GPC3: variants seen among roughly 807,000 people sequenced by gnomAD.
GPC3 encodes glypican-3.
In GPC3, 3 loss-of-function variants were observed where a neutral mutation model predicts 34.4. That is an observed-to-expected ratio of 0.09 (90% confidence interval 0.04 to 0.23). GPC3 has a LOEUF of 0.23. Ranked by LOEUF, GPC3 falls within the 10% of genes least tolerant of loss-of-function variation. The pLI, the probability that GPC3 is intolerant of heterozygous loss-of-function variation, is 1.00. For missense variants in GPC3, 351 were observed against 445.6 expected, an observed-to-expected ratio of 0.79 and a Z score of 1.91; for synonymous variants, 177 against 174.0, an observed-to-expected ratio of 1.02 and a Z score of -0.13.
intron 3 of GPC3, among the ~76,000 whole-genome samples, chrX:133,744,583 C>T (rs746622402): frequency 8.9e-6 from 1 of 112,342 alleles, no homozygotes; most frequent in South Asian, 3.8e-4. Flanking sequence ...ATTAGTTCAA[C>T]CATCGTGGAA....
At chrX:133,687,193 C>T (rs993223992) in intron 5 of GPC3, among the ~76,000 whole-genome samples, 4 of 100,415 alleles carry the variant, frequency 4.0e-5, no homozygotes, top group Non-Finnish European at 8.0e-5. Flanking sequence ...CCGCCTGCCT[C>T]GGCCTCCCAA....
At chrX:133,779,675 C>T (rs1167982412) in intron 2 of GPC3, among the ~76,000 whole-genome samples, 5 of 111,167 alleles carry the variant, frequency 4.5e-5, no homozygotes, top group Non-Finnish European at 9.4e-5. Context: ...TATATAACAC[C>T]TTGCTTAGCC....
chrX:133,747,147 C>T (rs2071620001), intron 3 of GPC3, among the ~76,000 whole-genome samples: 1 of 111,829 alleles, frequency 8.9e-6, no homozygotes, highest in South Asian at 3.7e-4. Flanking sequence ...CAAGGACACT[C>T]CGTACTGGAG....
At chrX:133,609,838 C>T (rs188797932) in intron 6 of GPC3, among the ~76,000 whole-genome samples, 62 of 112,485 alleles carry the variant, frequency 5.5e-4, no homozygotes, top group African/African-American at 1.9e-3. Flanking sequence ...ACATTCACAT[C>T]GACCTTTCAT....
chrX:133,835,580 C>T (rs7060493), intron 2 of GPC3, among the ~76,000 whole-genome samples: 8,747 of 111,237 alleles, frequency 0.079, 577 homozygotes, highest in African/African-American at 0.21. Flanking sequence ...TACTTAAAAC[C>T]CTTCACTGGC....
chrX:133,919,714 C>G (rs2076239251), intron 2 of GPC3, among the ~76,000 whole-genome samples: 1 of 110,266 alleles, frequency 9.1e-6, no homozygotes, highest in Non-Finnish European at 1.9e-5. Flanking sequence ...GTGGTCCCAC[C>G]TACTCAGGAG....
At chrX:133,704,277 GAAAA>G in intron 3 of GPC3, 4 of 827,239 alleles carry the variant, frequency 4.8e-6, no homozygotes, top group Non-Finnish European at 6.4e-6. Flanking sequence ...CAGTTTCCTT[GAAAA>G]AAAAAAAAAG....
At chrX:133,718,409 C>G (rs924195585) in intron 3 of GPC3, among the ~76,000 whole-genome samples, 2 of 109,847 alleles carry the variant, frequency 1.8e-5, no homozygotes, top group African/African-American at 6.6e-5. Flanking sequence ...CAGGGCAACC[C>G]CTAAGAAAAT....
Position 133,841,439 on chromosome X carries a change from A to T in GPC3, c.338-87263T>A, listed in dbSNP as rs760704944. 9.2e-5 allele frequency among the ~76,000 whole-genome samples: 10 copies of T among 108,215 alleles called. No homozygotes were observed. In the South Asian group the frequency reaches 3.3e-3, roughly 36 times the overall value. 94.0% of individuals were successfully genotyped at this position (108,215 alleles called of 115,157 possible). On this transcript the variant is annotated intron_variant, in intron 2 of 7. Transcript: ENST00000370818. ...AGCATAAAGATGCCTACAATTAGAG[A>T]TGTCACGATGCATAAATAGATTCAT...
chrX:133,569,801 A>C (rs1157560980), intron 7 of GPC3, among the ~76,000 whole-genome samples: 1 of 112,270 alleles, frequency 8.9e-6, no homozygotes, highest in African/African-American at 3.2e-5. Context: ...ATCTTGCATA[A>C]TGAGTATTAG....
intron 2 of GPC3, among the ~76,000 whole-genome samples, chrX:133,905,456 G>A (rs1258361448): frequency 8.9e-6 from 1 of 112,276 alleles, no homozygotes; most frequent in African/African-American, 3.2e-5. Context: ...TGGTGGAGGT[G>A]TAAGGAGCTT....
At chrX:133,726,842 G>A (rs1378344058) in intron 3 of GPC3, among the ~76,000 whole-genome samples, 1 of 112,011 alleles carries the variant, frequency 8.9e-6, no homozygotes, top group East Asian at 2.8e-4. Flanking sequence ...AACTCCCTCC[G>A]CACCTGGATT....
intron 3 of GPC3, among the ~76,000 whole-genome samples, chrX:133,706,231 C>T (rs1426125910): frequency 8.9e-6 from 1 of 112,111 alleles, no homozygotes; most frequent in African/African-American, 3.2e-5. Context: ...AAATATTAGA[C>T]TTCGAACTAT....
In GPC3 at chrX:133,546,933, A is replaced by G. The variant is rs184779321; in HGVS notation, c.1574-10640T>C. Among the ~76,000 whole-genome samples the G allele has an allele frequency of 7.9e-4, 89 of 112,419 alleles. 1 individual carries two copies. The highest frequency in any genetic ancestry group is 1.9e-4 in the Non-Finnish European group (10 of 53,315). ...TTGGAATTAACCTAAGTGTGCATCA[A>G]TAGATGAATGGATAAAGAAAATGTG... On this transcript the variant is annotated intron_variant, in intron 7 of 7. Transcript: ENST00000370818.
intron 2 of GPC3, among the ~76,000 whole-genome samples, chrX:133,804,789 AT>A (rs375270072): frequency 3.0e-4 from 33 of 110,950 alleles, no homozygotes; most frequent in African/African-American, 9.8e-4. Context: ...CACACTACAT[AT>A]TTTTTTTATA....
intron 2 of GPC3, among the ~76,000 whole-genome samples, chrX:133,771,541 G>A (rs1193860719): frequency 8.9e-6 from 1 of 111,928 alleles, no homozygotes; most frequent in Non-Finnish European, 1.9e-5. Flanking sequence ...TCCATCTCAT[G>A]GGGTCTAGAA....
intron 2 of GPC3, among the ~76,000 whole-genome samples, chrX:133,939,669 C>G (rs997417965): frequency 8.0e-5 from 9 of 112,019 alleles, no homozygotes; most frequent in African/African-American, 2.9e-4. Flanking sequence ...TCCTTTCATC[C>G]CTGTCGAATG....
chrX:133,653,045 C>T (rs1400174160), intron 6 of GPC3, among the ~76,000 whole-genome samples: 2 of 111,990 alleles, frequency 1.8e-5, no homozygotes, highest in African/African-American at 6.5e-5. Flanking sequence ...TAGAAAGTGG[C>T]TGATGGGGAC....
At chrX:133,889,563 G>A (rs1319831838) in intron 2 of GPC3, among the ~76,000 whole-genome samples, 1 of 111,373 alleles carries the variant, frequency 9.0e-6, no homozygotes, top group Non-Finnish European at 1.9e-5. Context: ...ATGTGTATGT[G>A]TGTATACAAT....
Sources: allele counts gnomAD v4.1 joint callset (sites outside exome capture counted in the v4.1 genomes callset), GRCh38; gene constraint gnomAD v4.1.1; transcripts MANE v1.5; gene names NCBI Gene and HGNC (gene_info 2026-07-23, HGNC 2026-07-21).